The following CDK13 variants were observed in gnomAD, a reference collection of about 807,000 sequenced individuals.
The protein encoded by CDK13 is cyclin dependent kinase 13.
CDK13 carries 40 observed loss-of-function variants against 137.6 expected under a neutral mutation model. The ratio of observed to expected loss-of-function variants is 0.29; its 90% CI spans 0.23 to 0.38. The LOEUF is 0.38. Among genes scored for constraint, CDK13 ranks in the 10% least tolerant of loss-of-function variants. The pLI, the probability that CDK13 is intolerant of heterozygous loss-of-function variation, is 1.00. For missense variants in CDK13, 1,704 were observed against 1,951.8 expected, an observed-to-expected ratio of 0.87 and a Z score of 2.39; for synonymous variants, 869 against 760.1, an observed-to-expected ratio of 1.14 and a Z score of -2.36.
intron 5 of CDK13, among the ~76,000 whole-genome samples, chr7:40,033,517 A>C (rs558512407): frequency 7.2e-5 from 11 of 152,072 alleles, no homozygotes; most frequent in African/African-American, 2.7e-4. Context: ...ATAGGCCTTT[A>C]GTGTAAGGTT....
At chr7:39,969,044 C>G (rs149775889) in intron 1 of CDK13, among the ~76,000 whole-genome samples, 1 of 152,092 alleles carries the variant, frequency 6.6e-6, no homozygotes, top group South Asian at 2.1e-4. Context: ...GAGATGGAGC[C>G]TCGCTCTGTG....
At chr7:39,963,331 G>A (rs1299257467) in intron 1 of CDK13, among the ~76,000 whole-genome samples, 2 of 152,078 alleles carry the variant, frequency 1.3e-5, no homozygotes, top group African/African-American at 2.4e-5. Flanking sequence ...CCTTGAAGAG[G>A]TCCTTCACAT....
At chr7:40,065,482 C>A (rs890541936) in intron 9 of CDK13, among the ~76,000 whole-genome samples, 1 of 148,284 alleles carries the variant, frequency 6.7e-6, no homozygotes, top group Admixed American at 6.7e-5. Flanking sequence ...AAAAAAATTC[C>A]AAAAAAAAAA....
chr7:40,055,929 C>T (rs952887280), intron 7 of CDK13, among the ~76,000 whole-genome samples: 1 of 152,172 alleles, frequency 6.6e-6, no homozygotes, highest in Non-Finnish European at 1.5e-5. Flanking sequence ...TTTCATATTA[C>T]AACGTGCTTT....
intron 5 of CDK13, among the ~76,000 whole-genome samples, chr7:40,043,117 G>A (rs780188196): frequency 6.6e-6 from 1 of 152,132 alleles, no homozygotes; most frequent in Non-Finnish European, 1.5e-5. Context: ...TGTTTCCTTA[G>A]GCAGTACTTC....
At chr7:40,082,602 C>A (rs1238018095) in intron 11 of CDK13, among the ~76,000 whole-genome samples, 2 of 150,832 alleles carry the variant, frequency 1.3e-5, no homozygotes, top group African/African-American at 4.9e-5. Context: ...ATCAACCTGG[C>A]CGACATGGCG....
Position 40,097,386 on chromosome 7 carries a change from A to T in CDK13, c.*2406A>T, listed in dbSNP as rs1787070265. On this transcript the variant is annotated 3_prime_UTR_variant, in exon 14 of 14. Transcript: ENST00000181839. ...TGTAAGCTGCATCCCAGATTCAGAC[A>T]TATTATATGAAAATATGTCTTATAA... 1 of 152,128 alleles carries T rather than the reference A, an allele frequency of 6.6e-6. No individual in the cohort carries two copies. The highest frequency in any genetic ancestry group is 1.9e-4 in the East Asian group (1 of 5,206). The allele number at this position is 152,128 out of a possible 1,614,324, so 9.4% of individuals were successfully genotyped here.
intron 1 of CDK13, chr7:39,986,036 G>A (rs540843227): frequency 3.9e-5 from 6 of 152,248 alleles, no homozygotes; most frequent in African/African-American, 9.7e-5. Flanking sequence ...ATATCTGTTG[G>A]GGTCAGCATC....
In CDK13 at chr7:40,026,979, C is replaced by T. The variant is rs550895609; in HGVS notation, c.2354-18857C>T. Among the ~76,000 whole-genome samples, 68 of 151,836 alleles carry T rather than the reference C, an allele frequency of 4.5e-4. No homozygotes were observed. The South Asian group carries it at 0.013, about 30-fold the overall frequency. On this transcript the variant is annotated intron_variant, in intron 5 of 13. Coordinates refer to ENST00000181839, the MANE Select transcript of CDK13 (RefSeq NM_003718.5). ...CACCTTTCTGATAAATAATGCTAAC[C>T]GTGTATGTAAATTTTAAATGTTCTA... is the stretch of plus-strand genomic sequence containing the variant.
Position 40,079,419 on chromosome 7 carries a change from C to CA in CDK13, c.3029+581dup, listed in dbSNP as rs202161573. On this transcript the variant is annotated intron_variant, in intron 11 of 13. Coordinates refer to ENST00000181839, the MANE Select transcript of CDK13 (RefSeq NM_003718.5). ...GGGTGACAAGAGCAAGACTCCGTCT[C>CA]AAAAAAAAAAAAATATTACTGCTGT... 7.5e-3 allele frequency among the ~76,000 whole-genome samples: 1,069 copies of CA among 141,996 alleles called. 15 individuals carry two copies. Among genetic ancestry groups the CA allele is most frequent in the African/African-American group, 0.023 (899 of 38,794 alleles). The allele number at this position is 141,996 out of a possible 152,430, so 93.2% of individuals were successfully genotyped here.
chr7:40,013,833 T>G (rs2116373233), intron 5 of CDK13, among the ~76,000 whole-genome samples: 2 of 152,254 alleles, frequency 1.3e-5, no homozygotes, highest in Middle Eastern at 3.4e-3. Context: ...CTGTGTTTAA[T>G]GAAAATAGAG....
In CDK13 at chr7:39,967,449, A is replaced by G. The variant is rs527926282; in HGVS notation, c.1211+15597A>G. Among the ~76,000 whole-genome samples the G allele has an allele frequency of 6.6e-5, 10 of 152,072 alleles. No homozygotes were observed. The East Asian group carries it at 1.7e-3, about 27-fold the overall frequency. The stretch of plus-strand genomic sequence containing the variant: ...CCTGTCTCAAAAACAAAATAAAACA[A>G]AAAACAAACCTGAACCACATTAAAA... On this transcript the variant is annotated intron_variant, in intron 1 of 13. Coordinates refer to ENST00000181839, the MANE Select transcript of CDK13 (RefSeq NM_003718.5).
intron 2 of CDK13, among the ~76,000 whole-genome samples, chr7:39,994,306 G>C (rs1361362379): frequency 6.6e-6 from 1 of 152,084 alleles, no homozygotes; most frequent in East Asian, 1.9e-4. Context: ...ATTGTGTAAA[G>C]AAGTGTTCTG....
chr7:40,073,671 A>G (rs1175191877), intron 9 of CDK13: 1 of 150,906 alleles, frequency 6.6e-6, no homozygotes, highest in Non-Finnish European at 1.5e-5. Flanking sequence ...GGCTCACTGC[A>G]ACCTCTGCCT....
chr7:39,959,796 T>A (rs1053109118), intron 1 of CDK13, among the ~76,000 whole-genome samples: 5 of 148,052 alleles, frequency 3.4e-5, no homozygotes, highest in Admixed American at 2.0e-4. Context: ...TTTTTTTTTT[T>A]AAATTAACTT....
intron 1 of CDK13, among the ~76,000 whole-genome samples, chr7:39,973,380 C>T (rs1201252473): frequency 1.3e-5 from 2 of 152,194 alleles, no homozygotes; most frequent in Non-Finnish European, 2.9e-5. Context: ...AAGCAATCCT[C>T]CCACCTTGGC....
chr7:40,004,809 T>C (rs578162896), intron 5 of CDK13, among the ~76,000 whole-genome samples: 1 of 152,306 alleles, frequency 6.6e-6, no homozygotes, highest in East Asian at 1.9e-4. Flanking sequence ...AGTAAAAATA[T>C]TAACTTTTAA....
intron 3 of CDK13, 199 bp downstream of exon 3, chr7:39,997,863 T>A: frequency 2.0e-6 from 1 of 490,304 alleles, no homozygotes; most frequent in Non-Finnish European, 3.6e-6. Flanking sequence ...AAACCAAATT[T>A]AATTTTCTCT....
chr7:39,984,266 CTGGGCA>C (rs1178486747), intron 1 of CDK13: 1 of 152,096 alleles, frequency 6.6e-6, no homozygotes, highest in African/African-American at 2.4e-5. Flanking sequence ...ACAAAGTTAG[CTGGGCA>C]TGGTGGCGCA....
Sources: gnomAD v4.1 joint callset for allele counts (sites outside exome capture counted in the v4.1 genomes callset) on GRCh38, gnomAD v4.1.1 for gene constraint, MANE v1.5 for transcripts, NCBI Gene and HGNC (gene_info 2026-07-23, HGNC 2026-07-21) for gene names.